CORO2B: variants seen among roughly 807,000 people sequenced by gnomAD.
CORO2B encodes coronin-2B.
Under a neutral mutation model 58.8 loss-of-function variants are expected in CORO2B, and 26 were observed. That is an observed-to-expected ratio of 0.44 (90% CI 0.32 to 0.61). The LOEUF (loss-of-function observed/expected upper bound fraction) is 0.61, where lower values mean the gene tolerates loss of function less well. Among genes scored for constraint, CORO2B ranks in the 20% least tolerant of loss-of-function variants. CORO2B has a pLI of 0.04. For synonymous variants in CORO2B, 242 were observed against 253.8 expected, an observed-to-expected ratio of 0.95 and a Z score of 0.44; for missense variants, 460 against 645.1, an observed-to-expected ratio of 0.71 and a Z score of 3.11.
chr15:68,616,537 C>T (rs562174041), intron 1 of CORO2B: 1 of 985,452 alleles, frequency 1.0e-6, no homozygotes, highest in Admixed American at 6.1e-5. Context: ...GCCCTGGATC[C>T]AGATTCAAAC....
chr15:68,530,910 AC>A, the CORO2B span, among the ~76,000 whole-genome samples: 1 of 152,112 alleles, frequency 6.6e-6, no homozygotes, highest in African/African-American at 2.4e-5. Context: ...TATTGTTTAG[AC>A]CATTTACAGT....
chr15:68,635,254 T>G (rs1192920573), intron 1 of CORO2B, among the ~76,000 whole-genome samples: 1 of 152,218 alleles, frequency 6.6e-6, no homozygotes, highest in Non-Finnish European at 1.5e-5. Context: ...AGGCCATCTC[T>G]GAGCCAGCAG....
the CORO2B span, among the ~76,000 whole-genome samples, chr15:68,542,969 A>G: frequency 6.6e-6 from 1 of 152,310 alleles, no homozygotes; most frequent in East Asian, 1.9e-4. Context: ...TGCCGGATGT[A>G]TTGAAAAGGA....
chr15:68,559,396 G>T, the CORO2B span, among the ~76,000 whole-genome samples: 2 of 151,690 alleles, frequency 1.3e-5, no homozygotes, highest in Non-Finnish European at 2.9e-5. The surrounding 1 kb of genome is among the most constrained non-coding windows in gnomAD (Gnocchi z 4.3). Context: ...CTGGTCAATC[G>T]TTCTTAAAGT....
intron 1 of CORO2B, among the ~76,000 whole-genome samples, chr15:68,623,643 T>C (rs1900588092): frequency 6.6e-6 from 1 of 152,136 alleles, no homozygotes; most frequent in Admixed American, 6.5e-5. Flanking sequence ...GTTCCTTTGC[T>C]CCAGAAATCC....
intron 1 of CORO2B, among the ~76,000 whole-genome samples, chr15:68,601,977 A>G (rs1899996027): frequency 6.6e-6 from 1 of 150,834 alleles, no homozygotes; most frequent in African/African-American, 2.4e-5. Context: ...GGCGGAAGGC[A>G]GAAGGCAGAA....
At chr15:68,590,731 C>G (rs1899683322) in intron 1 of CORO2B, among the ~76,000 whole-genome samples, 1 of 152,152 alleles carries the variant, frequency 6.6e-6, no homozygotes, top group South Asian at 2.1e-4. Flanking sequence ...CTGGACCGAG[C>G]CTGCTGGAAG....
Position 68,618,535 on chromosome 15 carries a change from G to A in CORO2B, c.16-26625G>A, listed in dbSNP as rs1351464551. Among the ~76,000 whole-genome samples, 6 of 152,252 alleles carry A rather than the reference G, an allele frequency of 3.9e-5. No individual in the cohort carries two copies. The East Asian group carries it at 5.8e-4, about 15-fold the overall frequency. Reference sequence around the variant, plus strand: ...ATCAAAGGCTGGGAGGCGTGAGTGCGCAGCTGAGGAGATAGCACTGATGTG... The same window carrying A: ...ATCAAAGGCTGGGAGGCGTGAGTGCACAGCTGAGGAGATAGCACTGATGTG... On this transcript the variant is annotated intron_variant, in intron 1 of 11. Coordinates refer to ENST00000261861, the MANE Select transcript of CORO2B (RefSeq NM_006091.5).
chr15:68,554,262 G>A, the CORO2B span, among the ~76,000 whole-genome samples: 2 of 152,112 alleles, frequency 1.3e-5, no homozygotes, highest in Non-Finnish European at 2.9e-5. Context: ...ACTCACAGGT[G>A]CCCATTGTGG....
chr15:68,724,390 G>T (rs1267499571), intron 11 of CORO2B, among the ~76,000 whole-genome samples: 1 of 152,042 alleles, frequency 6.6e-6, no homozygotes, highest in Non-Finnish European at 1.5e-5. Flanking sequence ...ATAATTTAAA[G>T]TTCATCTGAA....
intron 1 of CORO2B, among the ~76,000 whole-genome samples, chr15:68,618,118 A>G (rs758573424): frequency 2.0e-5 from 3 of 152,142 alleles, no homozygotes; most frequent in East Asian, 1.9e-4. Context: ...TTGTGACCCA[A>G]TACACACACA....
At chr15:68,556,173 CA>C in the CORO2B span, among the ~76,000 whole-genome samples, 1 of 152,200 alleles carries the variant, frequency 6.6e-6, no homozygotes, top group Non-Finnish European at 1.5e-5. Flanking sequence ...ACCACCTTCC[CA>C]CAATGCCTCG....
chr15:68,718,760 G>T lies in CORO2B; in HGVS notation c.1030G>T (p.Val344Leu). Residue 344 changes from valine (V) to leucine (L), a missense_variant, in exon 9 of 12, where the codon GTG (valine) becomes TTG (leucine). Physicochemically the swap from Val to Leu is conservative, Grantham distance 32 (BLOSUM62 1). Around this residue, in one of 2 missense-constraint regions of CORO2B, gnomAD observed 352 missense variants for 543.0 expected, o/e 0.65. Transcript: ENST00000261861. ...ACEVFRFYKL[V>L]TLKGLIEPIS... ...CGAGGTGTTCCGCTTCTACAAGCTG[G>T]TGACTCTCAAGGGCCTGATCGAGCC... 6.2e-7 allele frequency: 1 copy of T among 1,614,208 alleles called. No homozygotes were observed. The highest frequency in any genetic ancestry group is 8.5e-7 in the Non-Finnish European group (1 of 1,180,038).
At chr15:68,677,469 C>T (rs1902626714) in intron 2 of CORO2B, among the ~76,000 whole-genome samples, 1 of 152,196 alleles carries the variant, frequency 6.6e-6, no homozygotes, top group Admixed American at 6.5e-5. Context: ...CCCCTCTCTG[C>T]CACAGAGAAA....
chr15:68,523,605 A>G, the CORO2B span, among the ~76,000 whole-genome samples: 1 of 152,212 alleles, frequency 6.6e-6, no homozygotes, highest in East Asian at 1.9e-4. Context: ...AAATACCTCA[A>G]GTGGAAAAAT....
the CORO2B span, among the ~76,000 whole-genome samples, chr15:68,536,200 A>G: frequency 1.3e-5 from 2 of 152,230 alleles, no homozygotes; most frequent in East Asian, 3.8e-4. Flanking sequence ...CTAGTCTACA[A>G]GAAGTTCAGT....
chr15:68,552,644 A>T, the CORO2B span, among the ~76,000 whole-genome samples: 1 of 152,064 alleles, frequency 6.6e-6, no homozygotes, highest in Non-Finnish European at 1.5e-5. Flanking sequence ...CCTCCTGCAC[A>T]CACTGGAGGC....
chr15:68,692,460 G>T (rs1358676965), intron 2 of CORO2B, among the ~76,000 whole-genome samples: 1 of 151,592 alleles, frequency 6.6e-6, no homozygotes. Context: ...TGGCTGACAC[G>T]TGTAGTCCCA....
chr15:68,653,860 GAA>G (rs35931709), intron 2 of CORO2B, among the ~76,000 whole-genome samples: 180 of 146,948 alleles, frequency 1.2e-3, no homozygotes, highest in Middle Eastern at 3.5e-3. Context: ...TCTCCCCCAG[GAA>G]AAAAAAAAAA....
Sources: gnomAD v4.1 joint callset for allele counts (sites outside exome capture counted in the v4.1 genomes callset) on GRCh38, gnomAD v4.1.1 for gene constraint, gnomAD v4.1.1 regional missense constraint, Gnocchi (gnomAD v3.1) non-coding constraint, MANE v1.5 for transcripts, NCBI Gene and HGNC (gene_info 2026-07-23, HGNC 2026-07-21) for gene names.